ZPBP: variants seen among roughly 807,000 people sequenced by gnomAD.
The protein encoded by ZPBP is zona pellucida binding protein, also known as zona pellucida-binding protein 1.
Under a neutral mutation model 44.8 loss-of-function variants are expected in ZPBP, and 26 were observed. The observed-to-expected ratio is 0.58, with a 90% confidence interval of 0.43 to 0.81. The LOEUF is 0.81. Among genes scored for constraint, ZPBP ranks in the 30% least tolerant of loss-of-function variants. The probability of loss-of-function intolerance (pLI) is 0.00; values close to 1 mark genes in which losing one functional copy is unlikely to be tolerated. For synonymous variants in ZPBP, 174 were observed against 153.2 expected, an observed-to-expected ratio of 1.14 and a Z score of -1.00; for missense variants, 409 against 434.0, an observed-to-expected ratio of 0.94 and a Z score of 0.51.
intron 7 of ZPBP, among the ~76,000 whole-genome samples, chr7:49,956,798 C>T (rs569519881): frequency 2.0e-5 from 3 of 152,138 alleles, no homozygotes; most frequent in African/African-American, 7.2e-5. Context: ...ATAAACTAAA[C>T]TTCATATGGA....
At chr7:49,933,542 C>T (rs1408474791), downstream of ZPBP, among the ~76,000 whole-genome samples, 2 of 152,126 alleles carry the variant, frequency 1.3e-5, no homozygotes, top group African/African-American at 2.4e-5. Flanking sequence ...CCCAGCTATC[C>T]AATTACTGGG....
intron 1 of ZPBP, chr7:49,921,544 C>T (rs946279800): frequency 6.6e-6 from 1 of 152,108 alleles, no homozygotes; most frequent in Admixed American, 6.6e-5. Flanking sequence ...TCAGATTGCT[C>T]ATCAGTAACA....
chr7:50,052,256 A>G (rs1444430957), intron 4 of ZPBP, among the ~76,000 whole-genome samples: 1 of 152,216 alleles, frequency 6.6e-6, no homozygotes, highest in Admixed American at 6.5e-5. Context: ...CAATGTTAAT[A>G]TATCAGACAA....
intron 4 of ZPBP, among the ~76,000 whole-genome samples, chr7:50,038,554 A>T (rs1440476359): frequency 1.3e-5 from 2 of 152,296 alleles, no homozygotes; most frequent in Non-Finnish European, 2.9e-5. Context: ...AGGAAAAGAG[A>T]CAGTCAGAGA....
intron 2 of ZPBP, among the ~76,000 whole-genome samples, chr7:49,852,692 G>A (rs1230307841): frequency 1.3e-5 from 2 of 152,112 alleles, no homozygotes; most frequent in Non-Finnish European, 2.9e-5. Context: ...TGACGGATGG[G>A]GGACGGGCCT....
chr7:49,955,103 T>C (rs1245820075), intron 7 of ZPBP, among the ~76,000 whole-genome samples: 1 of 152,064 alleles, frequency 6.6e-6, no homozygotes, highest in African/African-American at 2.4e-5. Flanking sequence ...AATTATAAAA[T>C]TAGATAATAT....
chr7:49,928,502 G>T (rs1418198470), intron 1 of ZPBP, among the ~76,000 whole-genome samples: 1 of 152,110 alleles, frequency 6.6e-6, no homozygotes. Flanking sequence ...TCTCCTTCAG[G>T]ACCACCCCTG....
intron 7 of ZPBP, among the ~76,000 whole-genome samples, chr7:49,967,983 G>A (rs185241818): frequency 6.6e-6 from 1 of 152,002 alleles, no homozygotes; most frequent in Admixed American, 6.5e-5. Context: ...CCTGGTACTT[G>A]TGTAACCAAA....
intron 2 of ZPBP, among the ~76,000 whole-genome samples, chr7:49,881,549 C>T (rs915562431): frequency 3.3e-5 from 5 of 152,152 alleles, no homozygotes; most frequent in African/African-American, 1.2e-4. Context: ...CAGGAGGAAG[C>T]TCAAGATATG....
intron 6 of ZPBP, among the ~76,000 whole-genome samples, chr7:50,001,611 T>C (rs1021042685): frequency 6.6e-6 from 1 of 152,042 alleles, no homozygotes; most frequent in South Asian, 2.1e-4. Flanking sequence ...CATGAAACAA[T>C]AGTTTACAAG....
chr7:49,958,617 A>T (rs908896012), intron 7 of ZPBP, among the ~76,000 whole-genome samples: 3 of 152,216 alleles, frequency 2.0e-5, no homozygotes, highest in Admixed American at 6.5e-5. Context: ...TAGACTTCCC[A>T]GCTTCCAGAA....
chr7:49,994,505 C>A (rs1376998237), intron 6 of ZPBP, among the ~76,000 whole-genome samples: 1 of 152,168 alleles, frequency 6.6e-6, no homozygotes, highest in African/African-American at 2.4e-5. Context: ...TGTGCATGAT[C>A]AACTTTATGG....
chr7:49,876,354 T>C lies in ZPBP; in HGVS notation n.509+24764A>G, dbSNP rs577467756. 2.0e-5 allele frequency among the ~76,000 whole-genome samples: 3 copies of C among 152,286 alleles called. No homozygotes were observed. In the East Asian group the frequency reaches 5.8e-4, roughly 29 times the overall value. The stretch of plus-strand genomic sequence containing the variant: ...AATTTTTATTTTTCTGCCTTCCACT[T>C]TGTGGTTGACAAGACTGGCCAAGTC... On this transcript the variant is annotated intron_variant and non_coding_transcript_variant, in intron 2 of 2. Transcript: ENST00000465922.
At chr7:49,974,254 G>A (rs1417307836) in intron 7 of ZPBP, among the ~76,000 whole-genome samples, 1 of 152,112 alleles carries the variant, frequency 6.6e-6, no homozygotes, top group African/African-American at 2.4e-5. Flanking sequence ...TACCACTACT[G>A]AATTTTACAC....
intron 7 of ZPBP, among the ~76,000 whole-genome samples, chr7:49,950,478 A>G (rs1403978885): frequency 2.6e-5 from 4 of 151,862 alleles, no homozygotes; most frequent in African/African-American, 9.7e-5. Flanking sequence ...CAAAAATAAA[A>G]ACAATGATCT....
At chr7:49,929,005 G>A (rs868591875) in intron 1 of ZPBP, among the ~76,000 whole-genome samples, 2 of 152,126 alleles carry the variant, frequency 1.3e-5, no homozygotes, top group Non-Finnish European at 2.9e-5. Context: ...TTGTACCACT[G>A]GGTCACATTT....
At chr7:50,054,197 G>GAAAAC (rs974240132) in intron 4 of ZPBP, among the ~76,000 whole-genome samples, 9 of 151,170 alleles carry the variant, frequency 6.0e-5, no homozygotes, top group Middle Eastern at 3.2e-3. Context: ...CAATCTCTTA[G>GAAAAC]AAAACAAAAC....
chr7:49,886,672 G>T (rs1209659341), intron 2 of ZPBP, among the ~76,000 whole-genome samples: 2 of 151,942 alleles, frequency 1.3e-5, no homozygotes, highest in Admixed American at 6.6e-5. Context: ...AGTGTCAGAG[G>T]GGTTTGTTGT....
intron 2 of ZPBP, among the ~76,000 whole-genome samples, chr7:50,084,767 A>G (rs139717988): frequency 3.0e-4 from 46 of 152,190 alleles, no homozygotes; most frequent in African/African-American, 1.1e-3. Flanking sequence ...TTACCCAGAT[A>G]ACGTTTTATA....
Sources: gnomAD v4.1 joint callset for allele counts (sites outside exome capture counted in the v4.1 genomes callset) on GRCh38, gnomAD v4.1.1 for gene constraint, MANE v1.5 for transcripts, NCBI Gene and HGNC (gene_info 2026-07-23, HGNC 2026-07-21) for gene names.